The following FMNL3 variants were observed in gnomAD, a reference collection of about 807,000 sequenced individuals.
FMNL3 encodes formin like 3, also known as formin-like protein 3.
FMNL3 carries 57 observed loss-of-function variants against 119.6 expected under a neutral mutation model. The observed-to-expected ratio is 0.48, with a 90% CI of 0.39 to 0.59. The LOEUF (loss-of-function observed/expected upper bound fraction) is 0.59, where lower values mean the gene tolerates loss of function less well. Among genes scored for constraint, FMNL3 ranks in the 20% least tolerant of loss-of-function variants. The probability of loss-of-function intolerance (pLI) is 0.00; values close to 1 mark genes in which losing one functional copy is unlikely to be tolerated. For synonymous variants in FMNL3, 491 were observed against 507.3 expected (o/e 0.97, Z 0.43); for missense variants, 1,053 against 1,323.5 (o/e 0.80, Z 3.17).
At position 49,647,392 on chromosome 12, in the gene FMNL3, G is replaced by A. The variant is rs765197890; in HGVS notation, c.2779-24C>T. On this transcript the variant is annotated intron_variant, in intron 23 of 25. Transcript: ENST00000335154. The surrounding 1 kb of genome is among the most constrained non-coding windows in gnomAD (Gnocchi z 4.9). ...TCCTAAGAGCCATGGAAGATGGGGG[G>A]TGGGGAGTGAGGCTCATAGGCTGTG... 1.9e-6 allele frequency: 3 copies of A among 1,606,854 alleles called. No homozygotes were observed. Among genetic ancestry groups the A allele is most frequent in the South Asian group, 1.1e-5 (1 of 91,054 alleles).
chr12:49,646,005 G>A, intron 25 of FMNL3, 102 bp from the exon 26 acceptor site: 1 of 967,106 alleles, frequency 1.0e-6, no homozygotes, highest in Non-Finnish European at 1.5e-6. Flanking sequence ...AGCCAGCAGT[G>A]AGGCAGATAA....
At chr12:49,676,092 CTT>C (rs1944177970) in intron 1 of FMNL3, among the ~76,000 whole-genome samples, 2 of 152,214 alleles carry the variant, frequency 1.3e-5, no homozygotes, top group African/African-American at 4.8e-5. Flanking sequence ...CAGCCCCTCT[CTT>C]GAGCTCCAAG....
chr12:49,702,114 G>A (rs1944925769), intron 1 of FMNL3, among the ~76,000 whole-genome samples: 1 of 151,632 alleles, frequency 6.6e-6, no homozygotes, highest in African/African-American at 2.4e-5. Context: ...AACCAATGTG[G>A]GCAACAAAGC....
chr12:49,649,466 C>A lies in FMNL3; in HGVS notation c.2304+4G>T, dbSNP rs781594352. 12 of 1,613,992 alleles carry A rather than the reference C, an allele frequency of 7.4e-6. No individual in the cohort carries two copies. The highest frequency in any genetic ancestry group is 1.0e-5 in the Non-Finnish European group (12 of 1,180,022). On this transcript the variant is annotated splice_donor_region_variant and intron_variant, in intron 19 of 25. Coordinates refer to ENST00000335154, the MANE Select transcript of FMNL3 (RefSeq NM_175736.5). The surrounding 1 kb of genome is among the most constrained non-coding windows in gnomAD (Gnocchi z 5.6). ...CAGCACCCCTGTTCACAACCTCTTC[C>A]CACCTCCAACATCTGCTTCAGCTTC... is the stretch of plus-strand genomic sequence containing the variant.
chr12:49,686,631 C>G (rs900805923), intron 1 of FMNL3, among the ~76,000 whole-genome samples: 1 of 151,068 alleles, frequency 6.6e-6, no homozygotes, highest in Non-Finnish European at 1.5e-5. Context: ...AGTCACTGAG[C>G]CCCAAAACTC....
intron 1 of FMNL3, among the ~76,000 whole-genome samples, chr12:49,669,580 C>T (rs1310929656): frequency 3.3e-5 from 5 of 152,168 alleles, no homozygotes; most frequent in African/African-American, 1.2e-4. Context: ...ACCTGTAATC[C>T]CAGCACTTTG....
At chr12:49,665,647 G>A (rs553360272) in intron 4 of FMNL3, among the ~76,000 whole-genome samples, 185 bp downstream of exon 4, 3 of 152,218 alleles carry the variant, frequency 2.0e-5, no homozygotes, top group African/African-American at 7.2e-5. Context: ...GCAGAGCTGA[G>A]GGGGTAGAAA....
chr12:49,690,543 TA>T (rs1164730918), intron 1 of FMNL3, among the ~76,000 whole-genome samples: 12 of 152,308 alleles, frequency 7.9e-5, no homozygotes, highest in Admixed American at 6.5e-4. Flanking sequence ...CAAGAGCACG[TA>T]GTAAATTTAA....
intron 6 of FMNL3, among the ~76,000 whole-genome samples, 171 bp downstream of exon 6, chr12:49,658,269 CAG>C (rs1376603739): frequency 6.6e-6 from 1 of 152,088 alleles, no homozygotes; most frequent in African/African-American, 2.4e-5. Context: ...GACCGCTGGG[CAG>C]AGTCAAGGAG....
intron 4 of FMNL3, among the ~76,000 whole-genome samples, chr12:49,662,450 G>A (rs73305085): frequency 0.17 from 25,354 of 152,082 alleles, 2,961 homozygotes; most frequent in African/African-American, 0.34. Context: ...GTGCTTGACC[G>A]AAGCCAGCAA....
chr12:49,662,755 C>G (rs189603632), intron 4 of FMNL3, among the ~76,000 whole-genome samples: 5 of 152,308 alleles, frequency 3.3e-5, no homozygotes, highest in African/African-American at 1.2e-4. Context: ...CAACAAAGCA[C>G]CTAAGGACCA....
rs1943372471 is a variant in FMNL3, at chr12:49,650,754, G to A, written c.1922C>T (p.Ala641Val). 5 of 1,614,094 alleles carry A rather than the reference G, an allele frequency of 3.1e-6. No homozygotes were observed. The highest frequency in any genetic ancestry group is 3.3e-4 in the Middle Eastern group (2 of 6,070). The stretch of plus-strand genomic sequence containing the variant: ...GATGGCCAGGTTCTTGGCACGATTG[G>A]CTTCCAACAGAGTCACCTTGCTGGC... Reference protein sequence around the residue: ...KAASKVTLLEANRAKNLAITL... With the variant: ...KAASKVTLLEVNRAKNLAITL... Residue 641 changes from alanine (A) to valine (V), a missense_variant, in exon 17 of 26, where the codon GCC becomes GTC. This residue lies in a region of FMNL3 where 445 missense variants were observed against 628.4 expected (regional missense o/e 0.71). Coordinates refer to ENST00000335154, the MANE Select transcript of FMNL3 (RefSeq NM_175736.5).
In FMNL3 at chr12:49,647,392, G is replaced by C. The variant is rs765197890; in HGVS notation, c.2779-24C>G. 2.5e-6 allele frequency: 4 copies of C among 1,606,854 alleles called. No homozygotes were observed. In the Admixed American group the frequency reaches 5.0e-5, roughly 20 times the overall value. On this transcript the variant is annotated intron_variant, in intron 23 of 25. Coordinates refer to ENST00000335154, the MANE Select transcript of FMNL3 (RefSeq NM_175736.5). This position sits in a 1 kb window ranked among gnomAD's most constrained non-coding sequence, Gnocchi z 4.9. ...TCCTAAGAGCCATGGAAGATGGGGG[G>C]TGGGGAGTGAGGCTCATAGGCTGTG...
At position 49,649,718 on chromosome 12, in the gene FMNL3, G is replaced by T; in HGVS notation, c.2208C>A (p.Phe736Leu). 1 of 1,614,142 alleles carries T rather than the reference G, an allele frequency of 6.2e-7. No homozygotes were observed. Among genetic ancestry groups the T allele is most frequent in the Non-Finnish European group, 8.5e-7 (1 of 1,180,022 alleles). The part of the protein sequence containing the change: ...RMAGMAFLGN[F>L]QDNLQMLTPQ... The stretch of plus-strand genomic sequence containing the variant: ...GTGTGAGCATCTGCAGGTTATCCTG[G>T]AAGTTCCCCAGGAAGGCCATGCCAG... The change falls in exon 18 of 26, where the codon TTC becomes TTA. Residue 736 changes from phenylalanine to leucine, a missense_variant. Phe to Leu is a conservative substitution (Grantham distance 22, BLOSUM62 0). Transcript: ENST00000335154. The surrounding 1 kb of genome is among the most constrained non-coding windows in gnomAD (Gnocchi z 5.6).
chr12:49,695,250 AC>A (rs372213060), intron 1 of FMNL3, among the ~76,000 whole-genome samples: 199 of 152,160 alleles, frequency 1.3e-3, no homozygotes, highest in South Asian at 0.011. Context: ...TCCTCCCCTA[AC>A]CCTGAATCCC....
chr12:49,704,797 G>C (rs552443494), intron 1 of FMNL3, among the ~76,000 whole-genome samples: 2 of 151,866 alleles, frequency 1.3e-5, no homozygotes, highest in Admixed American at 1.3e-4. Flanking sequence ...ATATACAGGG[G>C]CTCACCTAAT....
At position 49,642,727 on chromosome 12, in the gene FMNL3, C is replaced by A. The variant is rs765315590; in HGVS notation, c.*3088G>T. The A allele has an allele frequency of 7.7e-6, 12 of 1,564,712 alleles. No homozygotes were observed. The African/African-American group carries it at 1.5e-4, about 19-fold the overall frequency. Reference sequence around the variant, plus strand: ...GCCTCAGGCCCTTGAACTCATTAGACCAGTTCAACAGAGACCTCAGTGGCC... The same window carrying A: ...GCCTCAGGCCCTTGAACTCATTAGAACAGTTCAACAGAGACCTCAGTGGCC... On this transcript the variant is annotated 3_prime_UTR_variant, in exon 26 of 26. Coordinates refer to ENST00000335154, the MANE Select transcript of FMNL3 (RefSeq NM_175736.5). This position sits in a 1 kb window ranked among gnomAD's most constrained non-coding sequence, Gnocchi z 5.8.
At position 49,648,336 on chromosome 12, in the gene FMNL3, G is replaced by A; in HGVS notation, c.2533C>T (p.Leu845=). The part of the protein sequence containing the change: ...KAAAVSLENV[L]LDVKELGRGM... ...CGGCCCAGCTCCTTCACGTCCAGCAGCACGTTCTCCAGGGACACTGGTCAC... is the reference window on the plus strand; with the variant it reads ...CGGCCCAGCTCCTTCACGTCCAGCAACACGTTCTCCAGGGACACTGGTCAC... The change falls in exon 22 of 26, where the codon CTG becomes TTG. Residue 845 remains leucine, a synonymous_variant. Transcript: ENST00000335154. The A allele has an allele frequency of 6.2e-7, 1 of 1,612,510 alleles. No homozygotes were observed. The highest frequency in any genetic ancestry group is 8.5e-7 in the Non-Finnish European group (1 of 1,179,046).
chr12:49,670,618 A>G (rs913436779), intron 1 of FMNL3, among the ~76,000 whole-genome samples: 1 of 152,178 alleles, frequency 6.6e-6, no homozygotes, highest in Non-Finnish European at 1.5e-5. Context: ...GAAGGGGAAG[A>G]AAGCCCCACA....
Sources: allele counts gnomAD v4.1 joint callset (sites outside exome capture counted in the v4.1 genomes callset), GRCh38; gene constraint gnomAD v4.1.1; regional missense constraint gnomAD v4.1.1; non-coding constraint Gnocchi (gnomAD v3.1); transcripts MANE v1.5; gene names NCBI Gene and HGNC (gene_info 2026-07-23, HGNC 2026-07-21).